The following CTNNA3 variants were observed in gnomAD, a reference collection of about 807,000 sequenced individuals.
CTNNA3 encodes catenin alpha 3, also known as catenin alpha-3.
Under a neutral mutation model 95.7 loss-of-function variants are expected in CTNNA3, and 76 were observed. The ratio of observed to expected loss-of-function variants is 0.79; its 90% confidence interval spans 0.66 to 0.96. CTNNA3 has a LOEUF of 0.96. Ranked by LOEUF, CTNNA3 falls within the 40% of genes least tolerant of loss-of-function variation. The pLI, the probability that CTNNA3 is intolerant of heterozygous loss-of-function variation, is 0.00. For synonymous variants in CTNNA3, 431 were observed against 374.4 expected, an observed-to-expected ratio of 1.15 and a Z score of -1.74; for missense variants, 1,191 against 1,089.8, an observed-to-expected ratio of 1.09 and a Z score of -1.31.
intron 9 of CTNNA3, among the ~76,000 whole-genome samples, chr10:66,745,131 C>G (rs1196577790): frequency 2.0e-5 from 3 of 152,206 alleles, no homozygotes; most frequent in African/African-American, 7.2e-5. Context: ...TCATCACATT[C>G]TTAGTTTTCA....
chr10:67,201,838 A>G (rs1244425829), intron 6 of CTNNA3, among the ~76,000 whole-genome samples: 1 of 152,240 alleles, frequency 6.6e-6, no homozygotes, highest in African/African-American at 2.4e-5. Context: ...GCTCAGTGCA[A>G]TGTGGAAGTA....
intron 13 of CTNNA3, among the ~76,000 whole-genome samples, chr10:66,270,670 G>A (rs770824111): frequency 3.9e-5 from 6 of 152,284 alleles, no homozygotes; most frequent in East Asian, 3.9e-4. Flanking sequence ...GAGTAGCTGC[G>A]GTGGGAGATG....
At chr10:67,399,918 T>C (rs1844854234) in intron 5 of CTNNA3, among the ~76,000 whole-genome samples, 1 of 151,812 alleles carries the variant, frequency 6.6e-6, no homozygotes, top group South Asian at 2.1e-4. Context: ...ATATTTTAAT[T>C]ACAATTTTTT....
At chr10:65,967,987 A>T (rs1418770860) in intron 16 of CTNNA3, among the ~76,000 whole-genome samples, 1 of 152,238 alleles carries the variant, frequency 6.6e-6, no homozygotes, top group Non-Finnish European at 1.5e-5. Context: ...AGCATTACTC[A>T]GTATCAAGAA....
chr10:67,158,057 C>T (rs569754799), intron 7 of CTNNA3, among the ~76,000 whole-genome samples: 4 of 152,154 alleles, frequency 2.6e-5, no homozygotes, highest in African/African-American at 9.6e-5. Context: ...CGGGACTGGA[C>T]TGCCCCCACC....
chr10:66,404,815 A>G (rs2093045112), intron 11 of CTNNA3, among the ~76,000 whole-genome samples: 1 of 150,386 alleles, frequency 6.6e-6, no homozygotes, highest in African/African-American at 2.5e-5. Context: ...CATTAGTATT[A>G]GTGTATTTTA....
intron 3 of CTNNA3, among the ~76,000 whole-genome samples, chr10:67,567,766 C>T (rs1841858671): frequency 6.6e-6 from 1 of 152,036 alleles, no homozygotes; most frequent in South Asian, 2.1e-4. Flanking sequence ...CTTGCCACTG[C>T]TAAACTGCCT....
At chr10:67,485,380 A>G (rs540873595) in intron 5 of CTNNA3, among the ~76,000 whole-genome samples, 81 of 152,264 alleles carry the variant, frequency 5.3e-4, no homozygotes, top group Non-Finnish European at 7.6e-4. Flanking sequence ...CTGAAAAACT[A>G]CCTATTGTGT....
intron 3 of CTNNA3, among the ~76,000 whole-genome samples, chr10:67,584,901 C>T (rs1205513594): frequency 6.6e-6 from 1 of 152,224 alleles, no homozygotes; most frequent in Non-Finnish European, 1.5e-5. Context: ...GTGCCGTTTG[C>T]TAAGACCATT....
At position 66,883,600 on chromosome 10, in the gene CTNNA3, C is replaced by T. The variant is rs201419319; in HGVS notation, c.1048-108076G>A. ...CCTGCAAGGTAGATACCAAAATGCCCATATTATGGTTGATTAAAGTGAGTG... is the reference window on the plus strand; with the variant it reads ...CCTGCAAGGTAGATACCAAAATGCCTATATTATGGTTGATTAAAGTGAGTG... On this transcript the variant is annotated intron_variant, in intron 7 of 17. Coordinates refer to ENST00000433211, the MANE Select transcript of CTNNA3 (RefSeq NM_013266.4). Among the ~76,000 whole-genome samples, 4 of 152,178 alleles carry T rather than the reference C, an allele frequency of 2.6e-5. No homozygotes were observed. In the East Asian group the frequency reaches 7.7e-4, roughly 29 times the overall value.
intron 7 of CTNNA3, among the ~76,000 whole-genome samples, chr10:67,136,187 G>C (rs2132031116): frequency 6.6e-6 from 1 of 152,038 alleles, no homozygotes; most frequent in South Asian, 2.1e-4. Context: ...TTTTTTACCA[G>C]TCATTACATA....
intron 5 of CTNNA3, among the ~76,000 whole-genome samples, chr10:67,471,133 T>C (rs1260217696): frequency 6.6e-6 from 1 of 152,162 alleles, no homozygotes; most frequent in East Asian, 1.9e-4. Context: ...AGCCAAGACC[T>C]TTAGTCTTAA....
chr10:66,016,318 T>C (rs1411600222), intron 15 of CTNNA3, among the ~76,000 whole-genome samples: 3 of 152,172 alleles, frequency 2.0e-5, no homozygotes, highest in Admixed American at 6.5e-5. Context: ...CAAAACCCTT[T>C]GTGTTGTCAC....
chr10:67,508,845 C>T (rs1276599015), intron 5 of CTNNA3, among the ~76,000 whole-genome samples: 2 of 151,680 alleles, frequency 1.3e-5, no homozygotes, highest in African/African-American at 2.4e-5. Flanking sequence ...CCACAAATAA[C>T]CTAATTAAAA....
intron 9 of CTNNA3, among the ~76,000 whole-genome samples, chr10:66,763,341 C>CAGAGAG (rs1554848276): frequency 3.6e-5 from 5 of 139,104 alleles, no homozygotes; most frequent in South Asian, 2.4e-4. Flanking sequence ...CACACACACA[C>CAGAGAG]AGAGAGAGAG....
intron 13 of CTNNA3, among the ~76,000 whole-genome samples, chr10:66,188,289 A>G (rs2086444101): frequency 6.6e-6 from 1 of 152,158 alleles, no homozygotes; most frequent in African/African-American, 2.4e-5. Context: ...TTAACTATCT[A>G]TAGTCCTCAT....
At chr10:67,130,552 C>T (rs1859946064) in intron 7 of CTNNA3, among the ~76,000 whole-genome samples, 1 of 152,110 alleles carries the variant, frequency 6.6e-6, no homozygotes, top group Non-Finnish European at 1.5e-5. Flanking sequence ...CTGAAATGGA[C>T]CTGTGACAGA....
At chr10:67,375,636 A>T (rs1843659416) in intron 5 of CTNNA3, among the ~76,000 whole-genome samples, 1 of 152,104 alleles carries the variant, frequency 6.6e-6, no homozygotes, top group Non-Finnish European at 1.5e-5. Flanking sequence ...TGCAGAGGAC[A>T]TCTCACACAA....
At chr10:67,717,710 G>A (rs995705413) in intron 1 of CTNNA3, among the ~76,000 whole-genome samples, 2 of 152,070 alleles carry the variant, frequency 1.3e-5, no homozygotes, top group African/African-American at 2.4e-5. Context: ...ACGTTGCTTT[G>A]GTTACTGTAG....
Sources: gnomAD v4.1 joint callset for allele counts (sites outside exome capture counted in the v4.1 genomes callset) on GRCh38, gnomAD v4.1.1 for gene constraint, MANE v1.5 for transcripts, NCBI Gene and HGNC (gene_info 2026-07-23, HGNC 2026-07-21) for gene names.